The following ALKAL1 variants were observed in gnomAD, a reference collection of about 807,000 sequenced individuals.
ALKAL1 encodes ALK and LTK ligand 1.
ALKAL1 carries 23 observed loss-of-function variants against 13.5 expected under a neutral mutation model. That is an observed-to-expected ratio of 1.70 (90% confidence interval 1.23 to 2.41). ALKAL1 has a LOEUF of 2.41. Ranked by LOEUF, ALKAL1 falls within the 30% of genes most tolerant of loss-of-function variation. ALKAL1 has a pLI of 0.00. For missense variants in ALKAL1, 181 were observed against 178.4 expected (o/e 1.01, Z -0.08); for synonymous variants, 85 against 77.7 (o/e 1.09, Z -0.49).
chr8:52,535,970 G>C (rs1028854738), intron 4 of ALKAL1, among the ~76,000 whole-genome samples: 61 of 151,600 alleles, frequency 4.0e-4, no homozygotes, highest in African/African-American at 1.5e-3. Flanking sequence ...ACGGAGTCTC[G>C]CTCTGTTGCC....
intron 2 of ALKAL1, among the ~76,000 whole-genome samples, chr8:52,541,290 C>T (rs1052621743): frequency 2.0e-5 from 3 of 152,080 alleles, no homozygotes; most frequent in Non-Finnish European, 4.4e-5. Flanking sequence ...ACCTGGGCAA[C>T]ATAGTGAGAC....
intron 1 of ALKAL1, among the ~76,000 whole-genome samples, chr8:52,561,209 C>A (rs1055860529): frequency 1.1e-4 from 16 of 152,204 alleles, no homozygotes; most frequent in African/African-American, 3.9e-4. Context: ...TAGCCACAGA[C>A]TTGCAATAGA....
intron 1 of ALKAL1, among the ~76,000 whole-genome samples, chr8:52,554,835 G>A (rs958929027): frequency 6.6e-6 from 1 of 152,170 alleles, no homozygotes; most frequent in Non-Finnish European, 1.5e-5. Context: ...ACGAGGAAGA[G>A]ATGGGTCAAC....
intron 1 of ALKAL1, among the ~76,000 whole-genome samples, chr8:52,547,550 C>T (rs949359491): frequency 6.6e-6 from 1 of 152,048 alleles, no homozygotes; most frequent in South Asian, 2.1e-4. Context: ...GAAAACTCCC[C>T]GCAAACAATG....
rs146649249 is a variant in ALKAL1 at position 52,561,057 on chromosome 8, T to C, written c.190+4010A>G. Among the ~76,000 whole-genome samples, 661 of 152,214 alleles carry C rather than the reference T, an allele frequency of 4.3e-3. 8 individuals are homozygous for C. Among genetic ancestry groups the C allele is most frequent in the African/African-American group, 0.014 (592 of 41,518 alleles). Reference sequence around the variant, plus strand: ...TATCATGTTGCACACTTTAAATATATACAACAAAAAATGATTTTTAAAAAA... The same window carrying C: ...TATCATGTTGCACACTTTAAATATACACAACAAAAAATGATTTTTAAAAAA... On this transcript the variant is annotated intron_variant, in intron 1 of 4. Transcript: ENST00000358543.
At chr8:52,541,213 C>T (rs1001906453) in intron 2 of ALKAL1, among the ~76,000 whole-genome samples, 1 of 152,056 alleles carries the variant, frequency 6.6e-6, no homozygotes, top group African/African-American at 2.4e-5. Context: ...CAGTGGCTCA[C>T]AACTATAATC....
intron 1 of ALKAL1, among the ~76,000 whole-genome samples, chr8:52,542,687 G>A (rs775565515): frequency 9.2e-5 from 14 of 152,106 alleles, no homozygotes; most frequent in Admixed American, 7.9e-4. Flanking sequence ...GTGCACAGCC[G>A]CAATGGAAGG....
intron 1 of ALKAL1, among the ~76,000 whole-genome samples, chr8:52,545,757 C>G (rs894898747): frequency 1.3e-5 from 2 of 152,194 alleles, no homozygotes; most frequent in African/African-American, 4.8e-5. Flanking sequence ...TTGATTGAGA[C>G]CTGTCTCAGA....
chr8:52,545,840 G>A (rs1010862063), intron 1 of ALKAL1, among the ~76,000 whole-genome samples: 1 of 152,242 alleles, frequency 6.6e-6, no homozygotes, highest in Non-Finnish European at 1.5e-5. Flanking sequence ...ACAGTCATGT[G>A]CTGTTTAATG....
intron 3 of ALKAL1, among the ~76,000 whole-genome samples, chr8:52,539,250 T>G (rs1847291077): frequency 6.6e-6 from 1 of 152,150 alleles, no homozygotes. Context: ...AGAAAGGAAT[T>G]TAAAAACAGC....
At chr8:52,552,868 G>T (rs1847442993) in intron 1 of ALKAL1, among the ~76,000 whole-genome samples, 1 of 152,184 alleles carries the variant, frequency 6.6e-6, no homozygotes, top group South Asian at 2.1e-4. Context: ...AATCAACCCT[G>T]GTTCTTTTAC....
At position 52,534,301 on chromosome 8, in the gene ALKAL1, A is replaced by G. The variant is rs562197006; in HGVS notation, c.*312T>C. 2.2e-5 allele frequency: 5 copies of G among 231,830 alleles called. No homozygotes were observed. The South Asian group carries it at 8.6e-4, about 40-fold the overall frequency. The allele number at this position is 231,830 out of a possible 1,614,324, so 14.4% of individuals were successfully genotyped here. A position where few individuals can be genotyped will look rare whatever the true frequency, so the allele number is the denominator to read the frequency against. On this transcript the variant is annotated 3_prime_UTR_variant, in exon 5 of 5. Coordinates refer to ENST00000358543, the MANE Select transcript of ALKAL1 (RefSeq NM_207413.4). ...AATTAAATGTTTAATTAGAATGTTA[A>G]CCATATAAAGAAAATAATATATCTA... is the stretch of plus-strand genomic sequence containing the variant.
intron 1 of ALKAL1, among the ~76,000 whole-genome samples, chr8:52,547,869 T>A (rs1847386252): frequency 6.6e-6 from 1 of 152,208 alleles, no homozygotes; most frequent in Non-Finnish European, 1.5e-5. Context: ...ATAGCCAAAG[T>A]GTTACCATTT....
intron 2 of ALKAL1, 62 bp downstream of exon 2, chr8:52,542,328 CAT>C (rs1406641207): frequency 9.2e-7 from 1 of 1,082,552 alleles, no homozygotes; most frequent in Non-Finnish European, 1.4e-6. Context: ...TAGTGCCTGA[CAT>C]AGTATTCTGC....
intron 1 of ALKAL1, among the ~76,000 whole-genome samples, chr8:52,543,507 C>T (rs1048986107): frequency 6.6e-6 from 1 of 152,210 alleles, no homozygotes; most frequent in Non-Finnish European, 1.5e-5. Context: ...AGTTCAGGGC[C>T]TGGTTCAGGG....
intron 1 of ALKAL1, among the ~76,000 whole-genome samples, chr8:52,558,074 A>G (rs1199943706): frequency 6.6e-6 from 1 of 151,784 alleles, no homozygotes; most frequent in Non-Finnish European, 1.5e-5. Context: ...CAGGTGGATC[A>G]CTTGAGGTCA....
At position 52,565,252 on chromosome 8, in the gene ALKAL1, C is replaced by A. The variant is rs764952196; in HGVS notation, c.5G>T (p.Arg2Leu). M[R>L]PLKPGAPLPA... ...CAAAGGGGCGCCGGGCTTAAGGGGC[C>A]GCATGTTCGCAAGCCGGGAGGAGAG... The change falls in exon 1 of 5, where the codon CGG (arginine) becomes CTG (leucine). Residue 2 changes from arginine (R) to leucine (L), a missense_variant. By Grantham distance (102) the Arg-to-Leu change is moderately radical. Coordinates refer to ENST00000358543, the MANE Select transcript of ALKAL1 (RefSeq NM_207413.4). 18 of 1,309,226 alleles carry A rather than the reference C, an allele frequency of 1.4e-5. No individual in the cohort carries two copies. Among genetic ancestry groups the A allele is most frequent in the Admixed American group, 8.2e-5 (2 of 24,282 alleles). 81.1% of individuals were successfully genotyped at this position (1,309,226 alleles called of 1,614,324 possible). A position where few individuals can be genotyped will look rare whatever the true frequency, so the allele number is the denominator to read the frequency against.
intron 1 of ALKAL1, among the ~76,000 whole-genome samples, chr8:52,552,153 G>C (rs1847436189): frequency 6.6e-6 from 1 of 152,074 alleles, no homozygotes; most frequent in African/African-American, 2.4e-5. Flanking sequence ...TGGTAACTTT[G>C]AGCATTTGGA....
rs558312022 is a variant in ALKAL1, at chr8:52,534,090, A to G, written c.*523T>C. On this transcript the variant is annotated 3_prime_UTR_variant, in exon 5 of 5. Coordinates refer to ENST00000358543, the MANE Select transcript of ALKAL1 (RefSeq NM_207413.4). ...AAACAACACATTTTTTCATATTTCA[A>G]CTTTAATAAAATTCACAGTTCAAAT... The G allele has an allele frequency of 6.6e-6, 1 of 152,356 alleles. No homozygotes were observed. Among genetic ancestry groups the G allele is most frequent in the African/African-American group, 2.4e-5 (1 of 41,594 alleles). 9.4% of individuals were successfully genotyped at this position (152,356 alleles called of 1,614,324 possible).
Sources: allele counts gnomAD v4.1 joint callset (sites outside exome capture counted in the v4.1 genomes callset), GRCh38; gene constraint gnomAD v4.1.1; transcripts MANE v1.5; gene names NCBI Gene and HGNC (gene_info 2026-07-23, HGNC 2026-07-21).